Variants in C1orf216 observed in about 807,000 individuals in gnomAD.
The protein encoded by C1orf216 is chromosome 1 open reading frame 216.
Under a neutral mutation model 16.4 loss-of-function variants are expected in C1orf216, and 18 were observed. The observed-to-expected ratio is 1.10, with a 90% CI of 0.76 to 1.63. The LOEUF is 1.63. Among genes scored for constraint, C1orf216 ranks in the 40% most tolerant of loss-of-function variants. The pLI is 0.00. For synonymous variants in C1orf216, 115 were observed against 116.9 expected, an observed-to-expected ratio of 0.98 and a Z score of 0.11; for missense variants, 271 against 297.6, an observed-to-expected ratio of 0.91 and a Z score of 0.66.
chr1:35,715,574 C>T lies in C1orf216; in HGVS notation c.*58G>A. ...AGCAAATTATGTACTTACTAGTGCG[C>T]CTCACACATGCCTGCAAATATATAC... On this transcript the variant is annotated 3_prime_UTR_variant, in exon 2 of 2. Coordinates refer to ENST00000270815, the MANE Select transcript of C1orf216 (RefSeq NM_152374.2). The surrounding 1 kb of genome is among the most constrained non-coding windows in gnomAD (Gnocchi z 4.3). 1 of 1,527,152 alleles carries T rather than the reference C, an allele frequency of 6.5e-7. No homozygotes were observed. The highest frequency in any genetic ancestry group is 8.8e-7 in the Non-Finnish European group (1 of 1,131,882). 94.6% of individuals were successfully genotyped at this position (1,527,152 alleles called of 1,614,324 possible).
chr1:35,717,442 T>C (rs2148602924), intron 1 of C1orf216, among the ~76,000 whole-genome samples: 1 of 152,184 alleles, frequency 6.6e-6, no homozygotes, highest in African/African-American at 2.4e-5. Flanking sequence ...TACAATATCC[T>C]TCCTCTCCCC....
In C1orf216 at chr1:35,716,108, G is replaced by A; in HGVS notation, c.214C>T (p.Gln72Ter). The change falls in exon 2 of 2, where the codon CAG becomes TAG. Residue 72 changes from glutamine to a stop codon, truncating the protein, a stop_gained. Coordinates refer to ENST00000270815, the MANE Select transcript of C1orf216 (RefSeq NM_152374.2). LOFTEE classifies it high-confidence loss of function. Reference sequence around the variant, plus strand: ...CCTTCCTCAGGGGATCCAGGGGCCTGGAAGGCTTGGTTGTCAGAGGGTGAC... The same window carrying A: ...CCTTCCTCAGGGGATCCAGGGGCCTAGAAGGCTTGGTTGTCAGAGGGTGAC... Reference protein sequence around the residue: ...SESPSDNQAFQAPGSPEEGVR... With the variant: ...SESPSDNQAF 6.2e-7 allele frequency: 1 copy of A among 1,614,182 alleles called. No homozygotes were observed. The highest frequency in any genetic ancestry group is 8.5e-7 in the Non-Finnish European group (1 of 1,180,010).
rs776419428 is a variant in C1orf216, at chr1:35,716,083, C to T, written c.239G>A (p.Gly80Glu). 1 of 1,614,120 alleles carries T rather than the reference C, an allele frequency of 6.2e-7. No individual in the cohort carries two copies. The highest frequency in any genetic ancestry group is 8.5e-7 in the Non-Finnish European group (1 of 1,180,004). The change falls in exon 2 of 2, where the codon GGG (glycine) becomes GAG (glutamate). Residue 80 changes from glycine (G) to glutamate (E), a missense_variant. By Grantham distance (98) the Gly-to-Glu change is moderately conservative (BLOSUM62 -2). Transcript: ENST00000270815. The part of the protein sequence containing the change: ...AFQAPGSPEE[G>E]VRSPPEGAEI... ...TGCCCCCTCTGGGGGGCTGCGCACCCCTTCCTCAGGGGATCCAGGGGCCTG... is the reference window on the plus strand; with the variant it reads ...TGCCCCCTCTGGGGGGCTGCGCACCTCTTCCTCAGGGGATCCAGGGGCCTG...
At chr1:35,718,154 A>G (rs1640981056) in intron 1 of C1orf216, among the ~76,000 whole-genome samples, 1 of 152,162 alleles carries the variant, frequency 6.6e-6, no homozygotes, top group African/African-American at 2.4e-5. Context: ...GCTTCTAACC[A>G]AAATTAGGAT....
At chr1:35,718,250 G>C (rs954881035) in intron 1 of C1orf216, among the ~76,000 whole-genome samples, 1 of 152,180 alleles carries the variant, frequency 6.6e-6, no homozygotes, top group African/African-American at 2.4e-5. Context: ...ATTGTAAGTG[G>C]AGCCGGCACT....
chr1:35,715,998 C>G lies in C1orf216; in HGVS notation c.324G>C (p.Leu108=). Residue 108 remains leucine (L), a synonymous_variant, in exon 2 of 2, where the codon CTG becomes CTC. Transcript: ENST00000270815. The surrounding 1 kb of genome is among the most constrained non-coding windows in gnomAD (Gnocchi z 4.3). ...MGGAGTVCSP[L]EDNGYASSSL... ...AACTGCTGGCATAGCCGTTGTCCTC[C>G]AGAGGGGAGCAGACTGTGCCAGCAC... The G allele has an allele frequency of 6.2e-7, 1 of 1,614,106 alleles. No individual in the cohort carries two copies. The highest frequency in any genetic ancestry group is 8.5e-7 in the Non-Finnish European group (1 of 1,180,034).
chr1:35,715,769 G>A lies in C1orf216; in HGVS notation c.553C>T (p.Arg185Trp), dbSNP rs866238306. 1.5e-5 allele frequency: 24 copies of A among 1,614,040 alleles called. No homozygotes were observed. The highest frequency in any genetic ancestry group is 6.7e-5 in the African/African-American group (5 of 74,912). The change falls in exon 2 of 2, where the codon CGG becomes TGG. Residue 185 changes from arginine (R) to tryptophan (W), a missense_variant. By Grantham distance (101) the Arg-to-Trp change is moderately radical (BLOSUM62 -3). Coordinates refer to ENST00000270815, the MANE Select transcript of C1orf216 (RefSeq NM_152374.2). The surrounding 1 kb of genome is among the most constrained non-coding windows in gnomAD (Gnocchi z 4.3). Reference protein sequence around the residue: ...YRRLALLQWIRGLQHQLIDQQ... With the variant: ...YRRLALLQWIWGLQHQLIDQQ... Reference sequence around the variant, plus strand: ...TCAATCAACTGATGCTGCAGGCCCCGGATCCACTGGAGCAGTGCCAGGCGA... The same window carrying A: ...TCAATCAACTGATGCTGCAGGCCCCAGATCCACTGGAGCAGTGCCAGGCGA...
In C1orf216 at chr1:35,715,982, C is replaced by T; in HGVS notation, c.340G>A (p.Ala114Thr). Residue 114 changes from alanine (A) to threonine (T), a missense_variant, in exon 2 of 2, where the codon GCC becomes ACC. Ala to Thr is a moderately conservative substitution (Grantham distance 58). Transcript: ENST00000270815. This position sits in a 1 kb window ranked among gnomAD's most constrained non-coding sequence, Gnocchi z 4.3. ...CTGTCAATGCTCAGGGAACTGCTGG[C>T]ATAGCCGTTGTCCTCCAGAGGGGAG... ...VCSPLEDNGY[A>T]SSSLSIDSRS... is the part of the protein sequence containing the mutation. 1 of 1,614,120 alleles carries T rather than the reference C, an allele frequency of 6.2e-7. No individual in the cohort carries two copies. The highest frequency in any genetic ancestry group is 8.5e-7 in the Non-Finnish European group (1 of 1,180,046).
At chr1:35,718,256 G>A (rs1015224615) in intron 1 of C1orf216, among the ~76,000 whole-genome samples, 4 of 152,148 alleles carry the variant, frequency 2.6e-5, no homozygotes. Flanking sequence ...AGTGGAGCCG[G>A]CACTGGAAGG....
Position 35,716,059 on chromosome 1 carries a change from G to GC in C1orf216, c.262dup (p.Ala88GlyfsTer7). On this transcript the variant is annotated frameshift_variant, in exon 2 of 2. Transcript: ENST00000270815. LOFTEE classifies it high-confidence loss of function. Reference sequence around the variant, plus strand: ...CTCAGGCTCAGCCCCGGGAATCTCTGCCCCCTCTGGGGGGCTGCGCACCCC... The same window carrying GC: ...CTCAGGCTCAGCCCCGGGAATCTCTGCCCCCCTCTGGGGGGCTGCGCACCCC... 3 of 1,614,096 alleles carry GC rather than the reference G, an allele frequency of 1.9e-6. No individual in the cohort carries two copies. The highest frequency in any genetic ancestry group is 2.5e-6 in the Non-Finnish European group (3 of 1,180,020).
rs747403433 is a variant in C1orf216, at chr1:35,715,793, G to A, written c.529C>T (p.Arg177Cys). 10 of 1,614,218 alleles carry A rather than the reference G, an allele frequency of 6.2e-6. No homozygotes were observed. Among genetic ancestry groups the A allele is most frequent in the Non-Finnish European group, 8.5e-6 (10 of 1,180,050 alleles). ...KHHVHLVMYRRLALLQWIRGL... is the reference protein window; with the variant it reads ...KHHVHLVMYRCLALLQWIRGL... ...CGGATCCACTGGAGCAGTGCCAGGC[G>A]ACGGTACATCACCAAGTGCACGTGG... Residue 177 changes from arginine to cysteine, a missense_variant, in exon 2 of 2, where the codon CGC becomes TGC. This residue lies in a region of C1orf216 where 220 missense variants were observed against 227.8 expected (regional missense o/e 0.97). Coordinates refer to ENST00000270815, the MANE Select transcript of C1orf216 (RefSeq NM_152374.2). This position sits in a 1 kb window ranked among gnomAD's most constrained non-coding sequence, Gnocchi z 4.3.
intron 1 of C1orf216, 66 bp from the exon 2 acceptor site, chr1:35,716,392 C>T (rs1332316007): frequency 1.0e-5 from 14 of 1,403,290 alleles, no homozygotes; most frequent in Non-Finnish European, 1.3e-5. Context: ...GTCAGGGCAA[C>T]TTAGCTGCAG....
Position 35,715,582 on chromosome 1 carries a change from A to G in C1orf216, c.*50T>C. On this transcript the variant is annotated 3_prime_UTR_variant, in exon 2 of 2. Transcript: ENST00000270815. The surrounding 1 kb of genome is among the most constrained non-coding windows in gnomAD (Gnocchi z 4.3). ...ATGTACTTACTAGTGCGCCTCACAC[A>G]TGCCTGCAAATATATACATATACCC... The G allele has an allele frequency of 1.3e-6, 2 of 1,539,620 alleles. No homozygotes were observed. The highest frequency in any genetic ancestry group is 1.8e-6 in the Non-Finnish European group (2 of 1,141,182).
chr1:35,718,371 G>C (rs1405658424), intron 1 of C1orf216, among the ~76,000 whole-genome samples: 1 of 152,106 alleles, frequency 6.6e-6, no homozygotes, highest in Non-Finnish European at 1.5e-5. Flanking sequence ...TCTAAGCAAG[G>C]CTTGTGGGAA....
Position 35,715,686 on chromosome 1 carries a change from A to T in C1orf216, c.636T>A (p.Leu212=). 6.2e-7 allele frequency: 1 copy of T among 1,614,084 alleles called. No homozygotes were observed. The change falls in exon 2 of 2, where the codon CTT becomes CTA. Residue 212 remains leucine (L), a synonymous_variant. Coordinates refer to ENST00000270815, the MANE Select transcript of C1orf216 (RefSeq NM_152374.2). This position sits in a 1 kb window ranked among gnomAD's most constrained non-coding sequence, Gnocchi z 4.3. ...CTGCCCTCTGCTGGAGACAGCGAAT[A>T]AGCTCCTTCCGGTTGTCTAGGATGG... ...FDTILDNRKE[L]IRCLQQRAAP...
In C1orf216 at chr1:35,715,379, C is replaced by T; in HGVS notation, c.*253G>A. On this transcript the variant is annotated 3_prime_UTR_variant, in exon 2 of 2. Transcript: ENST00000270815. The surrounding 1 kb of genome is among the most constrained non-coding windows in gnomAD (Gnocchi z 4.3). ...CATTCTTACATACTACACACACACACATATGTTCACTCTTACATGCTCACA... is the reference window on the plus strand; with the variant it reads ...CATTCTTACATACTACACACACACATATATGTTCACTCTTACATGCTCACA... The T allele has an allele frequency of 7.4e-6, 4 of 538,928 alleles. No individual in the cohort carries two copies. The highest frequency in any genetic ancestry group is 3.1e-5 in the East Asian group (1 of 32,122). 33.4% of individuals were successfully genotyped at this position (538,928 alleles called of 1,614,324 possible).
rs770991327 is a variant in C1orf216 at position 35,715,649 on chromosome 1, G to C, written c.673C>G (p.Pro225Ala). The change falls in exon 2 of 2, where the codon CCC becomes GCC. Residue 225 changes from proline to alanine, a missense_variant. Transcript: ENST00000270815. This position sits in a 1 kb window ranked among gnomAD's most constrained non-coding sequence, Gnocchi z 4.3. ...GCACACCCTTAGGCCTGGTCCTGGGGCCTGGATGGTGCTGCCCTCTGCTGG... is the reference window on the plus strand; with the variant it reads ...GCACACCCTTAGGCCTGGTCCTGGGCCCTGGATGGTGCTGCCCTCTGCTGG... ...CLQQRAAPSR[P>A]QDQA The C allele has an allele frequency of 1.2e-6, 2 of 1,613,420 alleles. No individual in the cohort carries two copies. Among genetic ancestry groups the C allele is most frequent in the African/African-American group, 2.7e-5 (2 of 74,918 alleles).
chr1:35,715,819 T>C lies in C1orf216; in HGVS notation c.503A>G (p.His168Arg). 6.2e-7 allele frequency: 1 copy of C among 1,614,238 alleles called. No homozygotes were observed. The highest frequency in any genetic ancestry group is 8.5e-7 in the Non-Finnish European group (1 of 1,180,042). The change falls in exon 2 of 2, where the codon CAC becomes CGC. Residue 168 changes from histidine to arginine, a missense_variant. By Grantham distance (29) the His-to-Arg change is conservative (BLOSUM62 0). Transcript: ENST00000270815. This position sits in a 1 kb window ranked among gnomAD's most constrained non-coding sequence, Gnocchi z 4.3. ...ERYKEQEKEK[H>R]HVHLVMYRRL... ...ACGGTACATCACCAAGTGCACGTGG[T>C]GCTTTTCCTTCTCCTGCTCTTTGTA... is the stretch of plus-strand genomic sequence containing the variant.
rs552505388 is a variant in C1orf216 at position 35,715,650 on chromosome 1, C to A, written c.672G>T (p.Arg224Ser). The change falls in exon 2 of 2, where the codon AGG becomes AGT. Residue 224 changes from arginine (R) to serine (S), a missense_variant. By Grantham distance (110) the Arg-to-Ser change is moderately radical. Transcript: ENST00000270815. This position sits in a 1 kb window ranked among gnomAD's most constrained non-coding sequence, Gnocchi z 4.3. The stretch of plus-strand genomic sequence containing the variant: ...CACACCCTTAGGCCTGGTCCTGGGG[C>A]CTGGATGGTGCTGCCCTCTGCTGGA... ...RCLQQRAAPS[R>S]PQDQA The A allele has an allele frequency of 6.2e-7, 1 of 1,613,446 alleles. No individual in the cohort carries two copies. Among genetic ancestry groups the A allele is most frequent in the East Asian group, 2.2e-5 (1 of 44,868 alleles).
Sources: allele counts gnomAD v4.1 joint callset (sites outside exome capture counted in the v4.1 genomes callset), GRCh38; gene constraint gnomAD v4.1.1; regional missense constraint gnomAD v4.1.1; non-coding constraint Gnocchi (gnomAD v3.1); transcripts MANE v1.5; gene names NCBI Gene and HGNC (gene_info 2026-07-23, HGNC 2026-07-21).